MAEL: variants seen among roughly 807,000 people sequenced by gnomAD.
The protein encoded by MAEL is protein maelstrom homolog.
MAEL carries 46 observed loss-of-function variants against 62.0 expected under a neutral mutation model. The ratio of observed to expected loss-of-function variants is 0.74; its 90% confidence interval spans 0.59 to 0.95. MAEL has a LOEUF of 0.95. MAEL is among the 40% of genes least tolerant of loss of function. The pLI is 0.00. For missense variants in MAEL, 497 were observed against 526.8 expected (o/e 0.94, Z 0.55); for synonymous variants, 172 against 175.5 (o/e 0.98, Z 0.16).
intron 8 of MAEL, among the ~76,000 whole-genome samples, chr1:167,013,628 T>G (rs1398778707): frequency 6.6e-6 from 1 of 152,242 alleles, no homozygotes; most frequent in Non-Finnish European, 1.5e-5. Flanking sequence ...TCTTCTGGAT[T>G]GTGAGTTGTG....
intron 1 of MAEL, among the ~76,000 whole-genome samples, chr1:166,976,779 CAGGG>C (rs1370156329): frequency 6.6e-6 from 1 of 152,142 alleles, no homozygotes; most frequent in Non-Finnish European, 1.5e-5. Context: ...TGTACACAGA[CAGGG>C]AGAATATGTA....
rs779972850 is a variant in MAEL at position 167,004,132 on chromosome 1, A to G, written c.524-48A>G. 3 of 1,550,538 alleles carry G rather than the reference A, an allele frequency of 1.9e-6. No homozygotes were observed. In the Admixed American group the frequency reaches 5.4e-5, roughly 28 times the overall value. ...CCCCCACTTCTATACCTACCCCATA[A>G]TATTTATCTTGCTCAAAGTTTGAAC... On this transcript the variant is annotated intron_variant, in intron 5 of 11. Coordinates refer to ENST00000367872, the MANE Select transcript of MAEL (RefSeq NM_032858.3).
Position 167,008,315 on chromosome 1 carries a change from A to G in MAEL, c.845+2918A>G, listed in dbSNP as rs541713709. On this transcript the variant is annotated intron_variant, in intron 8 of 11. Coordinates refer to ENST00000367872, the MANE Select transcript of MAEL (RefSeq NM_032858.3). The stretch of plus-strand genomic sequence containing the variant: ...CTGTTCTTCTATGGAAATTGGTTTT[A>G]TTAGGCTTTCTAATTTTAATGGGGT... Among the ~76,000 whole-genome samples the G allele has an allele frequency of 1.6e-3, 244 of 152,204 alleles. 3 individuals are homozygous for G. The highest frequency in any genetic ancestry group is 5.6e-3 in the African/African-American group (233 of 41,562).
chr1:166,989,853 G>A (rs1459280810), intron 2 of MAEL, 24 bp downstream of exon 2: 20 of 1,572,730 alleles, frequency 1.3e-5, no homozygotes, highest in African/African-American at 6.8e-5. Context: ...GAGAAGAGCC[G>A]CCATCTGCCT....
At chr1:166,999,198 A>G (rs1664556903) in intron 5 of MAEL, among the ~76,000 whole-genome samples, 1 of 152,204 alleles carries the variant, frequency 6.6e-6, no homozygotes, top group Non-Finnish European at 1.5e-5. Context: ...TGAGGAATGC[A>G]TATCAAAAGC....
intron 8 of MAEL, among the ~76,000 whole-genome samples, chr1:167,009,194 C>T (rs1184519407): frequency 6.6e-6 from 1 of 152,060 alleles, no homozygotes; most frequent in Admixed American, 6.6e-5. Context: ...AAGCTGGCTG[C>T]TGTGATATTT....
At chr1:166,987,714 G>A (rs967240100), upstream of MAEL, among the ~76,000 whole-genome samples, 3 of 152,106 alleles carry the variant, frequency 2.0e-5, no homozygotes, top group African/African-American at 7.2e-5. Context: ...ATAAAACTAA[G>A]AAAACTGAGA....
chr1:167,005,049 T>C (rs1454692879), intron 6 of MAEL, 27 bp from the exon 7 acceptor site: 2 of 1,608,110 alleles, frequency 1.2e-6, no homozygotes, highest in Non-Finnish European at 1.7e-6. Flanking sequence ...TTTTTTTGTT[T>C]TGTTTTTTGT....
At chr1:166,999,911 G>T (rs1664589282) in intron 5 of MAEL, among the ~76,000 whole-genome samples, 1 of 151,980 alleles carries the variant, frequency 6.6e-6, no homozygotes, top group Non-Finnish European at 1.5e-5. Flanking sequence ...CAGCACATCT[G>T]CTTATTGCAT....
chr1:166,977,350 A>G (rs1266254890), intron 1 of MAEL, among the ~76,000 whole-genome samples: 1 of 152,116 alleles, frequency 6.6e-6, no homozygotes, highest in Non-Finnish European at 1.5e-5. Flanking sequence ...GGTACCTAAC[A>G]CTTGTGGGTT....
In MAEL at chr1:166,991,411, A is replaced by G. The variant is rs765281229; in HGVS notation, c.259A>G (p.Met87Val). Residue 87 changes from methionine (M) to valine (V), a missense_variant, in exon 3 of 12, where the codon ATG becomes GTG. Met to Val is a conservative substitution (Grantham distance 21, BLOSUM62 1). Coordinates refer to ENST00000367872, the MANE Select transcript of MAEL (RefSeq NM_032858.3). ...TTTCACACCACTGAGGAGGCCAGGCATGCTTGTACCAAAGCAGAATGTTTC... is the reference window on the plus strand; with the variant it reads ...TTTCACACCACTGAGGAGGCCAGGCGTGCTTGTACCAAAGCAGAATGTTTC... Reference protein sequence around the residue: ...PVFTPLRRPGMLVPKQNVSPP... With the variant: ...PVFTPLRRPGVLVPKQNVSPP... The G allele has an allele frequency of 2.5e-6, 4 of 1,613,292 alleles. No individual in the cohort carries two copies. The South Asian group carries it at 3.3e-5, about 13-fold the overall frequency.
intron 10 of MAEL, among the ~76,000 whole-genome samples, chr1:167,018,230 T>C (rs1446163729): frequency 6.6e-6 from 1 of 152,202 alleles, no homozygotes; most frequent in African/African-American, 2.4e-5. Flanking sequence ...TTTCCAAAGA[T>C]TTATTCCAAA....
chr1:167,014,749 G>A (rs780292236), intron 8 of MAEL, among the ~76,000 whole-genome samples: 14 of 152,162 alleles, frequency 9.2e-5, no homozygotes, highest in Non-Finnish European at 1.6e-4. Flanking sequence ...CCTGCCAGGC[G>A]CAGTGGCTCA....
chr1:167,007,212 C>T (rs926070600), intron 8 of MAEL, among the ~76,000 whole-genome samples: 1 of 150,512 alleles, frequency 6.6e-6, no homozygotes, highest in Non-Finnish European at 1.5e-5. Context: ...GATTCCTATT[C>T]AGTACATTTT....
intron 10 of MAEL, 94 bp downstream of exon 10, chr1:167,018,053 G>A: frequency 2.5e-6 from 3 of 1,194,500 alleles, no homozygotes; most frequent in Admixed American, 2.2e-5. Flanking sequence ...CCTTTGTTTG[G>A]TTCTTTCCCT....
At chr1:167,004,348 T>A in intron 6 of MAEL, 44 bp downstream of exon 6, 1 of 1,519,318 alleles carries the variant, frequency 6.6e-7, no homozygotes, top group Non-Finnish European at 8.8e-7. Flanking sequence ...CAATTTATAG[T>A]ACCAAAAGAT....
chr1:166,990,899 A>G (rs1007565987), intron 2 of MAEL, among the ~76,000 whole-genome samples: 1 of 152,188 alleles, frequency 6.6e-6, no homozygotes, highest in Non-Finnish European at 1.5e-5. Context: ...TTATGAGTAG[A>G]AGCTCAGTTG....
At chr1:167,021,282 A>T in intron 11 of MAEL, 122 bp downstream of exon 11, 1 of 723,326 alleles carries the variant, frequency 1.4e-6, no homozygotes, top group Non-Finnish European at 2.3e-6. Flanking sequence ...AAGCTTGTTG[A>T]ATTGAGGGTT....
intron 8 of MAEL, among the ~76,000 whole-genome samples, chr1:167,014,342 T>G (rs1264927629): frequency 6.6e-6 from 1 of 152,218 alleles, no homozygotes; most frequent in Non-Finnish European, 1.5e-5. Flanking sequence ...TAGTTTTTCT[T>G]AGTCCATTTT....
Sources: allele counts gnomAD v4.1 joint callset (sites outside exome capture counted in the v4.1 genomes callset), GRCh38; gene constraint gnomAD v4.1.1; transcripts MANE v1.5; gene names NCBI Gene and HGNC (gene_info 2026-07-23, HGNC 2026-07-21).